The following CADPS2 variants were observed in gnomAD, a reference collection of about 807,000 sequenced individuals.
CADPS2 encodes the protein calcium-dependent secretion activator 2.
Under a neutral mutation model 172.5 loss-of-function variants are expected in CADPS2, and 93 were observed. That is an observed-to-expected ratio of 0.54 (90% CI 0.46 to 0.64). The LOEUF (loss-of-function observed/expected upper bound fraction) is 0.64, where lower values mean the gene tolerates loss of function less well. Among genes scored for constraint, CADPS2 ranks in the 30% least tolerant of loss-of-function variants. The pLI, the probability that CADPS2 is intolerant of heterozygous loss-of-function variation, is 0.00. For synonymous variants in CADPS2, 546 were observed against 555.2 expected, an observed-to-expected ratio of 0.98 and a Z score of 0.23; for missense variants, 1,420 against 1,565.9, an observed-to-expected ratio of 0.91 and a Z score of 1.57.
At chr7:122,344,919 A>G (rs541340913) in intron 28 of CADPS2, among the ~76,000 whole-genome samples, 1 of 152,196 alleles carries the variant, frequency 6.6e-6, no homozygotes, top group Non-Finnish European at 1.5e-5. Context: ...CTGCAAATGA[A>G]CAGGAATTGG....
At chr7:122,608,560 C>T (rs907563764) in intron 6 of CADPS2, among the ~76,000 whole-genome samples, 1 of 152,148 alleles carries the variant, frequency 6.6e-6, no homozygotes, top group African/African-American at 2.4e-5. Context: ...TATTTCCCAT[C>T]ATTTTCATGA....
chr7:122,413,010 T>C (rs770134923), intron 19 of CADPS2: 2 of 152,228 alleles, frequency 1.3e-5, no homozygotes, highest in Non-Finnish European at 2.9e-5. Flanking sequence ...AGCAATGTGG[T>C]TTATTGGAAA....
intron 1 of CADPS2, among the ~76,000 whole-genome samples, chr7:122,770,681 C>T (rs2139061006): frequency 6.6e-6 from 1 of 152,280 alleles, no homozygotes; most frequent in African/African-American, 2.4e-5. Context: ...ATCCAGAGGG[C>T]TTTAAGGAAC....
chr7:122,350,276 C>A (rs2038348158), intron 27 of CADPS2, among the ~76,000 whole-genome samples: 1 of 152,232 alleles, frequency 6.6e-6, no homozygotes, highest in South Asian at 2.1e-4. Context: ...TATCTCAATT[C>A]TGGCATTTAA....
intron 7 of CADPS2, 36 bp downstream of exon 7, chr7:122,581,143 G>T: frequency 1.3e-6 from 2 of 1,500,252 alleles, no homozygotes; most frequent in Non-Finnish European, 1.9e-6. Flanking sequence ...AGTTAAAACT[G>T]TTCTACCCTG....
rs917835309 is a variant in CADPS2, at chr7:122,386,363, A to G, written c.3312+663T>C. ...AGATGATGAAAGAGAACAGAAGGGAAGAATAAAGAAATGAAGAAAAAGTAA... is the reference window on the plus strand; with the variant it reads ...AGATGATGAAAGAGAACAGAAGGGAGGAATAAAGAAATGAAGAAAAAGTAA... On this transcript the variant is annotated intron_variant, in intron 24 of 29. Coordinates refer to ENST00000449022, the MANE Select transcript of CADPS2 (RefSeq NM_017954.11). 5 of 1,142,586 alleles carry G rather than the reference A, an allele frequency of 4.4e-6. No homozygotes were observed. In the African/African-American group the frequency reaches 6.4e-5, roughly 15 times the overall value. The allele number at this position is 1,142,586 out of a possible 1,614,324, so 70.8% of individuals were successfully genotyped here.
At chr7:122,409,484 A>C in intron 19 of CADPS2, 1 of 286,466 alleles carries the variant, frequency 3.5e-6, no homozygotes, top group South Asian at 2.9e-5. Flanking sequence ...TTTTTTCAAA[A>C]CAGCTTCAGG....
intron 7 of CADPS2, among the ~76,000 whole-genome samples, chr7:122,566,766 G>T (rs1334789283): frequency 6.6e-6 from 1 of 152,050 alleles, no homozygotes; most frequent in Non-Finnish European, 1.5e-5. Flanking sequence ...GGGATATCAG[G>T]CATCCAAACA....
At chr7:122,510,671 A>G (rs953066757) in intron 9 of CADPS2, among the ~76,000 whole-genome samples, 69 of 152,194 alleles carry the variant, frequency 4.5e-4, no homozygotes, top group African/African-American at 1.6e-3. Context: ...CAGCAGGGGT[A>G]TACTGTCCTC....
chr7:122,845,722 G>A (rs1042387274), intron 1 of CADPS2, among the ~76,000 whole-genome samples: 4 of 152,132 alleles, frequency 2.6e-5, no homozygotes, highest in African/African-American at 9.7e-5. Context: ...AATGCAGTTT[G>A]GGCTTTTAAC....
chr7:122,750,084 C>T (rs1212477511), intron 1 of CADPS2, among the ~76,000 whole-genome samples: 1 of 151,642 alleles, frequency 6.6e-6, no homozygotes, highest in African/African-American at 2.4e-5. Context: ...AAACAATAAA[C>T]AAACTGAAAA....
chr7:122,657,605 CTGTT>C (rs1376314459), intron 3 of CADPS2, among the ~76,000 whole-genome samples: 6 of 152,086 alleles, frequency 3.9e-5, no homozygotes, highest in Admixed American at 6.5e-5. Flanking sequence ...ATTTGGCTCT[CTGTT>C]TGTCTGTTAT....
chr7:122,497,837 A>G (rs1189504592), intron 9 of CADPS2, among the ~76,000 whole-genome samples: 3 of 152,176 alleles, frequency 2.0e-5, no homozygotes, highest in Non-Finnish European at 4.4e-5. Flanking sequence ...GTAATGGTTT[A>G]GTTACTTACA....
chr7:122,720,190 A>G (rs533354366), intron 2 of CADPS2, among the ~76,000 whole-genome samples: 23 of 152,178 alleles, frequency 1.5e-4, no homozygotes, highest in South Asian at 6.2e-4. Context: ...AGAGTTAACT[A>G]TTTTAAAGGC....
chr7:122,688,063 G>GAATGTCATT (rs1237771010), intron 2 of CADPS2, among the ~76,000 whole-genome samples: 25 of 152,224 alleles, frequency 1.6e-4, no homozygotes, highest in South Asian at 1.0e-3. Flanking sequence ...CCATCTCACT[G>GAATGTCATT]AATGTCATTA....
At chr7:122,556,653 A>AT (rs982177810) in intron 7 of CADPS2, among the ~76,000 whole-genome samples, 8 of 152,060 alleles carry the variant, frequency 5.3e-5, no homozygotes, top group Middle Eastern at 3.4e-3. Context: ...ATCGAATACC[A>AT]TTTTTTCTGC....
At chr7:122,335,594 A>C (rs1314572851) in intron 28 of CADPS2, among the ~76,000 whole-genome samples, 2 of 152,230 alleles carry the variant, frequency 1.3e-5, no homozygotes, top group Non-Finnish European at 2.9e-5. Context: ...TCAGTAGAGC[A>C]AAAGTATGGG....
At chr7:122,663,109 T>G (rs932887669) in intron 3 of CADPS2, 128 bp downstream of exon 3, 4 of 686,856 alleles carry the variant, frequency 5.8e-6, no homozygotes, top group African/African-American at 5.4e-5. Context: ...TCTATTCAAA[T>G]TCAATTTTGC....
At chr7:122,878,655 T>C (rs1381876103) in intron 1 of CADPS2, among the ~76,000 whole-genome samples, 1 of 148,176 alleles carries the variant, frequency 6.7e-6, no homozygotes, top group Non-Finnish European at 1.5e-5. Flanking sequence ...AATAAATAAA[T>C]AAATAAATAA....
Sources: gnomAD v4.1 joint callset for allele counts (sites outside exome capture counted in the v4.1 genomes callset) on GRCh38, gnomAD v4.1.1 for gene constraint, MANE v1.5 for transcripts, NCBI Gene and HGNC (gene_info 2026-07-23, HGNC 2026-07-21) for gene names.